Variants in OLFM1 observed in about 807,000 individuals in gnomAD.
OLFM1 encodes olfactomedin 1.
Under a neutral mutation model 49.7 loss-of-function variants are expected in OLFM1, and 9 were observed. That is an observed-to-expected ratio of 0.18 (90% CI 0.11 to 0.32). The LOEUF is 0.32. OLFM1 is among the 10% of genes least tolerant of loss of function. The pLI is 1.00. For missense variants in OLFM1, 369 were observed against 661.8 expected (o/e 0.56, Z 4.85); for synonymous variants, 240 against 271.8 (o/e 0.88, Z 1.15).
intron 1 of OLFM1, among the ~76,000 whole-genome samples, chr9:135,079,130 GC>G (rs985248005): frequency 9.2e-5 from 14 of 152,202 alleles, no homozygotes; most frequent in East Asian, 1.9e-4. Context: ...CCTGGGGCCG[GC>G]TTGCTTTGAG....
intron 1 of OLFM1, chr9:135,076,029 G>C: frequency 6.9e-7 from 1 of 1,449,576 alleles, no homozygotes; most frequent in Non-Finnish European, 9.1e-7. Context: ...CGGCTCAGCA[G>C]AGCTGACAGC....
intron 4 of OLFM1, among the ~76,000 whole-genome samples, chr9:135,100,700 C>T (rs1230509590): frequency 2.0e-5 from 3 of 152,192 alleles, no homozygotes; most frequent in Non-Finnish European, 4.4e-5. Flanking sequence ...TCCCCCAAGG[C>T]ATTTCCCCTC....
At position 135,098,053 on chromosome 9, in the gene OLFM1, A is replaced by G. The variant is rs1830824136; in HGVS notation, c.457-233A>G. ...AAACTTCGTGTATGTGACTCAAAGC[A>G]TGTAACCTTAAGATGTTGCATTCTA... On this transcript the variant is annotated intron_variant, in intron 3 of 5. Coordinates refer to ENST00000371793, the MANE Select transcript of OLFM1 (RefSeq NM_001282611.2). This position sits in a 1 kb window ranked among gnomAD's most constrained non-coding sequence, Gnocchi z 5.6. 1 of 1,426,502 alleles carries G rather than the reference A, an allele frequency of 7.0e-7. No individual in the cohort carries two copies. The highest frequency in any genetic ancestry group is 1.4e-5 in the African/African-American group (1 of 69,738). The allele number at this position is 1,426,502 out of a possible 1,614,324, so 88.4% of individuals were successfully genotyped here. A position where few individuals can be genotyped will look rare whatever the true frequency, so the allele number is the denominator to read the frequency against.
At chr9:135,101,532 A>G (rs1489673558) in intron 4 of OLFM1, among the ~76,000 whole-genome samples, 1 of 152,188 alleles carries the variant, frequency 6.6e-6, no homozygotes, top group Non-Finnish European at 1.5e-5. Context: ...TGATGGCATT[A>G]TATGATTTTC....
intron 5 of OLFM1, among the ~76,000 whole-genome samples, chr9:135,108,353 C>A (rs1830974785): frequency 6.6e-6 from 1 of 152,070 alleles, no homozygotes; most frequent in African/African-American, 2.4e-5. Flanking sequence ...AGAAAGCAGG[C>A]CCGGGCACAG....
chr9:135,076,173 C>T, intron 1 of OLFM1: 1 of 1,550,326 alleles, frequency 6.5e-7, no homozygotes, highest in Non-Finnish European at 8.7e-7. Flanking sequence ...AGACCCCAGG[C>T]ATTTTCAGAG....
Position 135,098,108 on chromosome 9 carries a change from G to A in OLFM1, c.457-178G>A. 1 of 1,433,516 alleles carries A rather than the reference G, an allele frequency of 7.0e-7. No homozygotes were observed. Among genetic ancestry groups the A allele is most frequent in the East Asian group, 2.5e-5 (1 of 40,054 alleles). 88.8% of individuals were successfully genotyped at this position (1,433,516 alleles called of 1,614,324 possible). On this transcript the variant is annotated intron_variant, in intron 3 of 5. Transcript: ENST00000371793. This position sits in a 1 kb window ranked among gnomAD's most constrained non-coding sequence, Gnocchi z 5.6. ...GACAATAAAGACCTTTCCCAAATAT[G>A]CTGGTGTTCTGAGGACTGTTTAATA...
At chr9:135,078,129 G>A (rs60281727) in intron 1 of OLFM1, among the ~76,000 whole-genome samples, 6,575 of 152,284 alleles carry the variant, frequency 0.043, 486 homozygotes, top group African/African-American at 0.15. Context: ...AAAGTTATGC[G>A]TTGCGGGTTC....
rs1831114975 is a variant in OLFM1 at position 135,117,750 on chromosome 9, CAGAGGGCAGG to C, written c.784-1752_784-1743del. ...ACAACCTGGTGTCATCCCAAGCAAG[CAGAGGGCAGG>C]ATTAGGGGCGAATGGCTGCACGTAT... On this transcript the variant is annotated intron_variant, in intron 5 of 5. Coordinates refer to ENST00000371793, the MANE Select transcript of OLFM1 (RefSeq NM_001282611.2). This position sits in a 1 kb window ranked among gnomAD's most constrained non-coding sequence, Gnocchi z 5.5. Among the ~76,000 whole-genome samples the C allele has an allele frequency of 6.6e-6, 1 of 152,196 alleles. No individual in the cohort carries two copies.
chr9:135,118,709 C>T (rs1387222785), intron 5 of OLFM1, among the ~76,000 whole-genome samples: 1 of 147,252 alleles, frequency 6.8e-6, no homozygotes, highest in Non-Finnish European at 1.5e-5. Flanking sequence ...TGGAAATGCT[C>T]ACTGGGTCTC....
In OLFM1 at chr9:135,087,863, C is replaced by A. The variant is rs1588205270; in HGVS notation, c.-127C>A. 6.8e-6 allele frequency: 6 copies of A among 888,336 alleles called. No homozygotes were observed. Among genetic ancestry groups the A allele is most frequent in the Non-Finnish European group, 6.7e-6 (5 of 745,646 alleles). The allele number at this position is 888,336 out of a possible 1,614,324, so 55.0% of individuals were successfully genotyped here. A position where few individuals can be genotyped will look rare whatever the true frequency, so the allele number is the denominator to read the frequency against. Reference sequence around the variant, plus strand: ...GGCGGCGGCGGCGGGCGGGCGGCGGCGGGCCGAGGGGGCGCGGGGACACAG... The same window carrying A: ...GGCGGCGGCGGCGGGCGGGCGGCGGAGGGCCGAGGGGGCGCGGGGACACAG... On this transcript the variant is annotated 5_prime_UTR_variant, in exon 1 of 6. Transcript: ENST00000371793.
chr9:135,085,481 T>C (rs1830585106), upstream of OLFM1, among the ~76,000 whole-genome samples: 1 of 152,266 alleles, frequency 6.6e-6, no homozygotes, highest in Non-Finnish European at 1.5e-5. Context: ...ATTCCTCATC[T>C]ATACAGTGGA....
At chr9:135,106,944 C>T (rs1588217161) in intron 5 of OLFM1, 89 bp downstream of exon 5, 1 of 1,070,986 alleles carries the variant, frequency 9.3e-7, no homozygotes, top group East Asian at 2.6e-5. Context: ...CAAGCCACGC[C>T]CACCCTCCAG....
At chr9:135,109,792 C>T (rs530449980) in intron 5 of OLFM1, among the ~76,000 whole-genome samples, 3 of 152,216 alleles carry the variant, frequency 2.0e-5, no homozygotes, top group Non-Finnish European at 4.4e-5. Context: ...CAGGTGTGGC[C>T]AAGGGCAGAG....
Position 135,095,969 on chromosome 9 carries a change from T to A in OLFM1, c.406T>A (p.Phe136Ile). The change falls in exon 3 of 6, where the codon TTC becomes ATC. Residue 136 changes from phenylalanine (F) to isoleucine (I), a missense_variant. By Grantham distance (21) the Phe-to-Ile change is conservative. Transcript: ENST00000371793. Reference protein sequence around the residue: ...ENQMKGLESKFKQVEESHKQH... With the variant: ...ENQMKGLESKIKQVEESHKQH... ...CCAAATGAAAGGACTGGAGTCCAAG[T>A]TCAAACAGGTGGAGGAGAGTCATAA... 6.2e-6 allele frequency: 10 copies of A among 1,612,448 alleles called. No homozygotes were observed. The highest frequency in any genetic ancestry group is 8.5e-6 in the Non-Finnish European group (10 of 1,179,406).
rs1831109236 is a variant in OLFM1 at position 135,117,305 on chromosome 9, C to T, written c.784-2199C>T. On this transcript the variant is annotated intron_variant, in intron 5 of 5. Coordinates refer to ENST00000371793, the MANE Select transcript of OLFM1 (RefSeq NM_001282611.2). This position sits in a 1 kb window ranked among gnomAD's most constrained non-coding sequence, Gnocchi z 5.5. ...CGACAACCAGAGGCTTCTTCAAAGC[C>T]CATATTCTTCTCGGAGAGGCACTTT... Among the ~76,000 whole-genome samples, 1 of 152,130 alleles carries T rather than the reference C, an allele frequency of 6.6e-6. No individual in the cohort carries two copies. Among genetic ancestry groups the T allele is most frequent in the South Asian group, 2.1e-4 (1 of 4,814 alleles).
intron 3 of OLFM1, chr9:135,097,706 G>A (rs2119117762): frequency 8.1e-7 from 1 of 1,229,060 alleles, no homozygotes; most frequent in East Asian, 2.3e-5. Context: ...GCAAATATGT[G>A]TTTCCTGATG....
upstream of OLFM1, among the ~76,000 whole-genome samples, chr9:135,085,119 G>A (rs7869879): frequency 0.23 from 35,420 of 152,152 alleles, 5,553 homozygotes; most frequent in African/African-American, 0.45. Context: ...AAGGCCTGTA[G>A]GGGGCTGGCA....
chr9:135,116,021 T>G (rs1046481302), intron 5 of OLFM1, among the ~76,000 whole-genome samples: 1 of 152,192 alleles, frequency 6.6e-6, no homozygotes, highest in Non-Finnish European at 1.5e-5. Context: ...AAGTGCTCAA[T>G]CTCCCTAAAA....
Sources: allele counts gnomAD v4.1 joint callset (sites outside exome capture counted in the v4.1 genomes callset), GRCh38; gene constraint gnomAD v4.1.1; non-coding constraint Gnocchi (gnomAD v3.1); transcripts MANE v1.5; gene names NCBI Gene and HGNC (gene_info 2026-07-23, HGNC 2026-07-21).